The following SFSWAP variants were observed in gnomAD, a reference collection of about 807,000 sequenced individuals.
The protein encoded by SFSWAP is splicing factor, suppressor of white-apricot homolog.
A neutral mutation model predicts 100.7 loss-of-function variants in SFSWAP; 17 were observed. The observed-to-expected ratio is 0.17, with a 90% CI of 0.12 to 0.25. The LOEUF (loss-of-function observed/expected upper bound fraction) is 0.25. Among genes scored for constraint, SFSWAP ranks in the 10% least tolerant of loss-of-function variants. The probability of loss-of-function intolerance (pLI) is 1.00; values close to 1 mark genes in which losing one functional copy is unlikely to be tolerated. For missense variants in SFSWAP, 1,005 were observed against 1,262.6 expected, an observed-to-expected ratio of 0.80 and a Z score of 3.09; for synonymous variants, 504 against 510.1, an observed-to-expected ratio of 0.99 and a Z score of 0.16.
At chr12:131,769,345 G>A (rs746466951) in intron 13 of SFSWAP, among the ~76,000 whole-genome samples, 11 of 152,154 alleles carry the variant, frequency 7.2e-5, no homozygotes, top group East Asian at 1.9e-4. Flanking sequence ...TTACAGTGGC[G>A]TACGGGTTCT....
At chr12:131,766,378 C>T in intron 13 of SFSWAP, 70 bp downstream of exon 13, 1 of 1,408,902 alleles carries the variant, frequency 7.1e-7, no homozygotes, top group Non-Finnish European at 9.9e-7. Flanking sequence ...ATGTGTCTCC[C>T]TCCAGCTGCC....
At chr12:131,747,745 G>C (rs1370117667) in intron 7 of SFSWAP, among the ~76,000 whole-genome samples, 2 of 152,216 alleles carry the variant, frequency 1.3e-5, no homozygotes, top group African/African-American at 4.8e-5. Flanking sequence ...GGACTACAGA[G>C]GAGAGGCATG....
chr12:131,764,800 T>G (rs1882973585), intron 12 of SFSWAP, 114 bp downstream of exon 12: 1 of 727,762 alleles, frequency 1.4e-6, no homozygotes, highest in Non-Finnish European at 2.3e-6. Flanking sequence ...CCTTTGGAAA[T>G]CGACCTATTT....
At chr12:131,759,159 T>C (rs1196500420) in intron 11 of SFSWAP, among the ~76,000 whole-genome samples, 4 of 152,248 alleles carry the variant, frequency 2.6e-5, no homozygotes, top group African/African-American at 9.6e-5. Flanking sequence ...ACATATATTA[T>C]TTTAAATTTG....
intron 13 of SFSWAP, among the ~76,000 whole-genome samples, chr12:131,770,380 C>T (rs559240350): frequency 3.9e-5 from 6 of 152,312 alleles, no homozygotes; most frequent in East Asian, 1.9e-4. Flanking sequence ...GTGGCTAGCT[C>T]GGGCTGGCTC....
At chr12:131,764,307 G>A (rs939825512) in intron 11 of SFSWAP, 149 bp from the exon 12 acceptor site, 26 of 648,866 alleles carry the variant, frequency 4.0e-5, no homozygotes, top group Admixed American at 3.1e-4. Context: ...CTGCTCTGAC[G>A]GCACGGCGTC....
intron 15 of SFSWAP, among the ~76,000 whole-genome samples, chr12:131,789,328 C>G (rs1398410210): frequency 6.6e-6 from 1 of 152,180 alleles, no homozygotes; most frequent in African/African-American, 2.4e-5. Context: ...TGACTTCTCA[C>G]TTGGAAACTT....
intron 1 of SFSWAP, chr12:131,712,261 G>A (rs1877440434): frequency 6.6e-6 from 1 of 152,248 alleles, no homozygotes; most frequent in Non-Finnish European, 1.5e-5. Context: ...ATTATGGGCA[G>A]TGGGGGCCTG....
At chr12:131,737,743 T>A (rs565452196) in intron 7 of SFSWAP, among the ~76,000 whole-genome samples, 1 of 152,172 alleles carries the variant, frequency 6.6e-6, no homozygotes, top group Non-Finnish European at 1.5e-5. Flanking sequence ...GATGGAGATT[T>A]TCCTACATTT....
chr12:131,711,244 C>A lies in SFSWAP; in HGVS notation c.15C>A (p.Ser5Arg), dbSNP rs908676517. Residue 5 changes from serine to arginine, a missense_variant, in exon 1 of 18, where the codon AGC becomes AGA. Around this residue, in one of 7 missense-constraint regions of SFSWAP, gnomAD observed 237 missense variants for 337.0 expected, o/e 0.70. Coordinates refer to ENST00000261674, the MANE Select transcript of SFSWAP (RefSeq NM_004592.4). The surrounding 1 kb of genome is among the most constrained non-coding windows in gnomAD (Gnocchi z 4.9). MYGA[S>R]GGRAKPERKS... Reference sequence around the variant, plus strand: ...GGGACGCTGTCATGTACGGCGCGAGCGGGGGCCGCGCCAAACCCGAGAGGA... The same window carrying A: ...GGGACGCTGTCATGTACGGCGCGAGAGGGGGCCGCGCCAAACCCGAGAGGA... The A allele has an allele frequency of 1.2e-6, 2 of 1,604,560 alleles. No homozygotes were observed. The highest frequency in any genetic ancestry group is 1.3e-5 in the African/African-American group (1 of 74,762).
intron 11 of SFSWAP, among the ~76,000 whole-genome samples, chr12:131,762,219 C>T (rs556422462): frequency 5.3e-5 from 8 of 151,042 alleles, no homozygotes; most frequent in Admixed American, 1.3e-4. Flanking sequence ...GGCGACAGAG[C>T]GAGACTCCGT....
chr12:131,753,233 G>T lies in SFSWAP; in HGVS notation c.1192G>T (p.Ala398Ser). The stretch of plus-strand genomic sequence containing the variant: ...GACTACTTACTACAGCACCCTTCCT[G>T]CTGGCGTGACCGTGTCTAACTCCCC... Reference protein sequence around the residue: ...DVTTYYSTLPAGVTVSNSPGV... With the variant: ...DVTTYYSTLPSGVTVSNSPGV... Residue 398 changes from alanine (A) to serine (S), a missense_variant, in exon 8 of 18, where the codon GCT (alanine) becomes TCT (serine). By Grantham distance (99) the Ala-to-Ser change is moderately conservative. This residue lies in a region of SFSWAP where 311 missense variants were observed against 317.8 expected (regional missense o/e 0.98). Transcript: ENST00000261674. 1 of 1,614,148 alleles carries T rather than the reference G, an allele frequency of 6.2e-7. No individual in the cohort carries two copies. Among genetic ancestry groups the T allele is most frequent in the Non-Finnish European group, 8.5e-7 (1 of 1,180,020 alleles).
chr12:131,731,838 A>C (rs1400005737), intron 7 of SFSWAP, among the ~76,000 whole-genome samples: 1 of 115,360 alleles, frequency 8.7e-6, no homozygotes, highest in Non-Finnish European at 1.9e-5. Context: ...CATTTGGTTG[A>C]TTTTTTTTCT....
At position 131,711,694 on chromosome 12, in the gene SFSWAP, A is replaced by G; in HGVS notation, c.218+247A>G. The G allele has an allele frequency of 4.0e-6, 2 of 504,638 alleles. No homozygotes were observed. The highest frequency in any genetic ancestry group is 7.1e-6 in the Non-Finnish European group (2 of 279,848). 31.3% of individuals were successfully genotyped at this position (504,638 alleles called of 1,614,324 possible). A position where few individuals can be genotyped will look rare whatever the true frequency, so the allele number is the denominator to read the frequency against. On this transcript the variant is annotated intron_variant, in intron 1 of 17. Coordinates refer to ENST00000261674, the MANE Select transcript of SFSWAP (RefSeq NM_004592.4). This position sits in a 1 kb window ranked among gnomAD's most constrained non-coding sequence, Gnocchi z 4.9. The stretch of plus-strand genomic sequence containing the variant: ...CCGGAGGGATCGTCTCTGGTCCCGC[A>G]GCCCCTCTCGACCCCTCACCCTGTC...
At chr12:131,797,827 T>C (rs1885794470) in intron 16 of SFSWAP, among the ~76,000 whole-genome samples, 1 of 152,240 alleles carries the variant, frequency 6.6e-6, no homozygotes, top group East Asian at 1.9e-4. Context: ...AGTCCCGGGC[T>C]AGGTGATAAT....
chr12:131,754,212 T>C (rs1237545325), intron 8 of SFSWAP, among the ~76,000 whole-genome samples, 156 bp from the exon 9 acceptor site: 2 of 152,214 alleles, frequency 1.3e-5, no homozygotes, highest in East Asian at 3.8e-4. Flanking sequence ...TTAGTTTCTG[T>C]CGTGTGCATC....
chr12:131,719,351 G>A, intron 3 of SFSWAP, 103 bp from the exon 4 acceptor site: 1 of 773,056 alleles, frequency 1.3e-6, no homozygotes, highest in Non-Finnish European at 2.2e-6. Flanking sequence ...AGAAGGTAAA[G>A]AAGCAGGGAC....
intron 11 of SFSWAP, among the ~76,000 whole-genome samples, chr12:131,758,759 C>T (rs150281972): frequency 2.6e-5 from 4 of 152,240 alleles, no homozygotes; most frequent in African/African-American, 9.6e-5. Flanking sequence ...CCAGCCTGGG[C>T]AAATGACAAA....
chr12:131,756,708 C>T lies in SFSWAP; in HGVS notation c.1720+64C>T, dbSNP rs554131435. 1.7e-4 allele frequency: 238 copies of T among 1,421,880 alleles called. 2 individuals are homozygous for T. The South Asian group carries it at 3.0e-3, about 18-fold the overall frequency. 88.1% of individuals were successfully genotyped at this position (1,421,880 alleles called of 1,614,324 possible). On this transcript the variant is annotated intron_variant, in intron 11 of 17. Transcript: ENST00000261674. ...CATAAGTTGGCAAGCGTAGGATCCT[C>T]GGTGACCTCAGACTCAGCGCCCTCA... is the stretch of plus-strand genomic sequence containing the variant.
Sources: allele counts gnomAD v4.1 joint callset (sites outside exome capture counted in the v4.1 genomes callset), GRCh38; gene constraint gnomAD v4.1.1; regional missense constraint gnomAD v4.1.1; non-coding constraint Gnocchi (gnomAD v3.1); transcripts MANE v1.5; gene names NCBI Gene and HGNC (gene_info 2026-07-23, HGNC 2026-07-21).